TFDP2: variants seen among roughly 807,000 people sequenced by gnomAD.
TFDP2 encodes the protein transcription factor Dp-2 (E2F dimerization partner 2).
In TFDP2, 17 loss-of-function variants were observed where a neutral mutation model predicts 59.3. The observed-to-expected ratio is 0.29, with a 90% confidence interval of 0.20 to 0.43. TFDP2 has a LOEUF of 0.43. TFDP2 is among the 20% of genes least tolerant of loss of function. The probability of loss-of-function intolerance (pLI) is 1.00; values close to 1 mark genes in which losing one functional copy is unlikely to be tolerated. For synonymous variants in TFDP2, 180 were observed against 194.7 expected (o/e 0.92, Z 0.63); for missense variants, 391 against 528.8 (o/e 0.74, Z 2.56).
At chr3:142,070,533 G>C (rs1224073893) in intron 3 of TFDP2, among the ~76,000 whole-genome samples, 1 of 152,130 alleles carries the variant, frequency 6.6e-6, no homozygotes, top group Non-Finnish European at 1.5e-5. Flanking sequence ...TCCAGCCTTG[G>C]CTTCATTAAG....
At chr3:142,011,948 G>T (rs1474380611) in intron 3 of TFDP2, among the ~76,000 whole-genome samples, 1 of 151,428 alleles carries the variant, frequency 6.6e-6, no homozygotes, top group African/African-American at 2.4e-5. Context: ...ACTGACCCTT[G>T]TTAGAATACA....
chr3:142,068,024 CTG>C (rs886648645), intron 3 of TFDP2, among the ~76,000 whole-genome samples: 1 of 143,442 alleles, frequency 7.0e-6, no homozygotes, highest in African/African-American at 2.6e-5. Context: ...AAAAAAAAGA[CTG>C]TAACTATAAA....
chr3:142,146,763 GA>G (rs2063194811), intron 1 of TFDP2, among the ~76,000 whole-genome samples: 1 of 152,150 alleles, frequency 6.6e-6, no homozygotes, highest in Non-Finnish European at 1.5e-5. Flanking sequence ...TCTGTGAGGA[GA>G]TGTGAATGAA....
chr3:142,145,711 C>CTAAATAAATAAA (rs142832325), intron 1 of TFDP2, among the ~76,000 whole-genome samples: 11,732 of 148,040 alleles, frequency 0.079, 581 homozygotes, highest in Non-Finnish European at 0.12. Flanking sequence ...GACTCTGTCT[C>CTAAATAAATAAA]TAAATAAATA....
At chr3:142,079,464 T>A (rs1051503839) in intron 3 of TFDP2, among the ~76,000 whole-genome samples, 2 of 152,016 alleles carry the variant, frequency 1.3e-5, no homozygotes, top group African/African-American at 4.8e-5. Flanking sequence ...ACACATAAGG[T>A]AAAAAGTTTA....
chr3:141,963,104 A>T (rs955133666), intron 10 of TFDP2, among the ~76,000 whole-genome samples: 1 of 151,962 alleles, frequency 6.6e-6, no homozygotes. Flanking sequence ...CGGTACATGG[A>T]TCCGTCTCAC....
chr3:142,065,544 C>T (rs767254594), intron 3 of TFDP2, among the ~76,000 whole-genome samples: 3 of 151,822 alleles, frequency 2.0e-5, no homozygotes, highest in African/African-American at 4.8e-5. Context: ...CAGAGTCTCA[C>T]GCTGTCGCCT....
intron 3 of TFDP2, chr3:142,054,009 C>T (rs1241187444): frequency 2.6e-5 from 4 of 152,308 alleles, no homozygotes; most frequent in Middle Eastern, 3.4e-3. Flanking sequence ...GGCAAGGACA[C>T]AGGGCACTAG....
Position 141,949,948 on chromosome 3 carries a change from C to T in TFDP2, c.*2565G>A, listed in dbSNP as rs1381870601. The T allele has an allele frequency of 6.6e-6, 1 of 151,856 alleles. No individual in the cohort carries two copies. Among genetic ancestry groups the T allele is most frequent in the East Asian group, 1.9e-4 (1 of 5,160 alleles). 9.4% of individuals were successfully genotyped at this position (151,856 alleles called of 1,614,324 possible). ...TCAGCCTCTTGAGTAGCCAGGACTA[C>T]AGGCATGCCCCACCACACCCAGCTA... On this transcript the variant is annotated 3_prime_UTR_variant, in exon 13 of 13. Transcript: ENST00000489671.
rs1298305617 is a variant in TFDP2, at chr3:141,950,837, AGACC to A, written c.*1672_*1675del. Reference sequence around the variant, plus strand: ...GAGGTGTGCTCCAGAACCCACGATAAGACCGAGTTCTCTAGAAACTGCCTCTATC... The same window carrying A: ...GAGGTGTGCTCCAGAACCCACGATAAGAGTTCTCTAGAAACTGCCTCTATC... On this transcript the variant is annotated 3_prime_UTR_variant, in exon 13 of 13. Coordinates refer to ENST00000489671, the MANE Select transcript of TFDP2 (RefSeq NM_001178139.2). 1 of 152,472 alleles carries A rather than the reference AGACC, an allele frequency of 6.6e-6. No individual in the cohort carries two copies. The highest frequency in any genetic ancestry group is 1.9e-4 in the East Asian group (1 of 5,192). The allele number at this position is 152,472 out of a possible 1,614,324, so 9.4% of individuals were successfully genotyped here.
At chr3:141,984,328 C>T (rs560982145) in intron 6 of TFDP2, among the ~76,000 whole-genome samples, 3 of 152,038 alleles carry the variant, frequency 2.0e-5, no homozygotes, top group East Asian at 1.9e-4. Flanking sequence ...GGTGAAACCC[C>T]GTTTACTAAA....
At chr3:142,109,633 C>T (rs751612757) in intron 1 of TFDP2, among the ~76,000 whole-genome samples, 3 of 152,010 alleles carry the variant, frequency 2.0e-5, no homozygotes, top group Non-Finnish European at 2.9e-5. Flanking sequence ...TGGCCAGCTA[C>T]ATAGTGTTTT....
At chr3:142,115,969 C>CTG (rs2061840431) in intron 1 of TFDP2, among the ~76,000 whole-genome samples, 1 of 152,124 alleles carries the variant, frequency 6.6e-6, no homozygotes. Flanking sequence ...TGTCAATTTC[C>CTG]TGATTTGGCC....
At chr3:141,993,629 T>C (rs1353440006) in intron 5 of TFDP2, 44 bp from the exon 6 acceptor site, 1 of 1,162,242 alleles carries the variant, frequency 8.6e-7, no homozygotes, top group East Asian at 2.5e-5. Context: ...CATACTTAAA[T>C]ACAATTTAAT....
At chr3:142,042,630 C>CTTTTTTTTTTTTTTTTTTTTTTTT (rs66981475) in intron 3 of TFDP2, among the ~76,000 whole-genome samples, 11 of 108,208 alleles carry the variant, frequency 1.0e-4, no homozygotes, top group East Asian at 5.5e-4. Context: ...CTTTTCTTTT[C>CTTTTTTTTTTTTTTTTTTTTTTTT]TTTTTTTTTT....
intron 1 of TFDP2, among the ~76,000 whole-genome samples, chr3:142,132,497 A>G (rs765789900): frequency 5.3e-5 from 8 of 149,860 alleles, no homozygotes; most frequent in Non-Finnish European, 1.2e-4. Context: ...CAGCACTTTG[A>G]GACTCTGAGA....
chr3:141,977,463 C>A (rs1940871245), intron 7 of TFDP2, among the ~76,000 whole-genome samples: 1 of 151,110 alleles, frequency 6.6e-6, no homozygotes, highest in Non-Finnish European at 1.5e-5. Flanking sequence ...CAGAGCCTTG[C>A]CATTTTTGGT....
chr3:142,042,630 CT>C (rs66981475), intron 3 of TFDP2, among the ~76,000 whole-genome samples: 54,908 of 108,186 alleles, frequency 0.51, 13,511 homozygotes, highest in South Asian at 0.68. Flanking sequence ...CTTTTCTTTT[CT>C]TTTTTTTTTT....
intron 6 of TFDP2, among the ~76,000 whole-genome samples, chr3:141,988,048 C>T (rs1452118084): frequency 2.0e-5 from 3 of 152,102 alleles, no homozygotes; most frequent in South Asian, 4.2e-4. Flanking sequence ...CTATACTCAG[C>T]GATCCTCCTG....
Sources: allele counts gnomAD v4.1 joint callset (sites outside exome capture counted in the v4.1 genomes callset), GRCh38; gene constraint gnomAD v4.1.1; transcripts MANE v1.5; gene names NCBI Gene and HGNC (gene_info 2026-07-23, HGNC 2026-07-21).